Variants in NIPA1 observed in about 807,000 individuals in gnomAD.
NIPA1 encodes the protein magnesium transporter NIPA1.
In NIPA1, 13 loss-of-function variants were observed where a neutral mutation model predicts 23.9. That is an observed-to-expected ratio of 0.54 (90% CI 0.35 to 0.87). The LOEUF is 0.87. Ranked by LOEUF, NIPA1 falls within the 40% of genes least tolerant of loss-of-function variation. The pLI, the probability that NIPA1 is intolerant of heterozygous loss-of-function variation, is 0.01. For synonymous variants in NIPA1, 234 were observed against 202.9 expected (o/e 1.15, Z -1.30); for missense variants, 362 against 429.7 (o/e 0.84, Z 1.39).
chr15:22,822,931 TTTTTTG>T (rs1895569995), intron 4 of NIPA1, among the ~76,000 whole-genome samples: 1 of 139,408 alleles, frequency 7.2e-6, no homozygotes. Flanking sequence ...TTTTTTTTTT[TTTTTTG>T]AGACGGACTC....
At chr15:22,786,916 G>A in intron 1 of NIPA1, 82 bp downstream of exon 1, 1 of 742,002 alleles carries the variant, frequency 1.3e-6, no homozygotes, top group Non-Finnish European at 1.7e-6. Flanking sequence ...GGGGGCGCCC[G>A]GGTCGGGGCA....
intron 1 of NIPA1, among the ~76,000 whole-genome samples, chr15:22,805,090 T>C (rs1458090488): frequency 1.3e-5 from 2 of 152,122 alleles, no homozygotes; most frequent in East Asian, 3.9e-4. Flanking sequence ...TCCACCTGCC[T>C]CAGCCTCCCA....
intron 3 of NIPA1, chr15:22,814,108 C>T (rs1895369208): frequency 7.8e-7 from 1 of 1,277,794 alleles, no homozygotes; most frequent in Admixed American, 2.3e-5. Context: ...GGAACCATGT[C>T]AGATGGTGTT....
At chr15:22,796,786 A>G (rs542564805) in intron 1 of NIPA1, among the ~76,000 whole-genome samples, 8 of 152,304 alleles carry the variant, frequency 5.3e-5, no homozygotes, top group African/African-American at 1.4e-4. Context: ...CTGAGAGGCC[A>G]TGTCCCCGAC....
Position 22,825,306 on chromosome 15 carries a change from T to C in NIPA1, c.*1067T>C, listed in dbSNP as rs1339651378. 2.0e-5 allele frequency: 3 copies of C among 152,198 alleles called. No homozygotes were observed. Among genetic ancestry groups the C allele is most frequent in the Non-Finnish European group, 4.4e-5 (3 of 68,032 alleles). 9.4% of individuals were successfully genotyped at this position (152,198 alleles called of 1,614,324 possible). A position where few individuals can be genotyped will look rare whatever the true frequency, so the allele number is the denominator to read the frequency against. Reference sequence around the variant, plus strand: ...GTAAAACTATGGTATTACAATGTTATGGGACCACCGTCATGTAAGTGGTAT... The same window carrying C: ...GTAAAACTATGGTATTACAATGTTACGGGACCACCGTCATGTAAGTGGTAT... On this transcript the variant is annotated 3_prime_UTR_variant, in exon 5 of 5. Transcript: ENST00000337435.
intron 1 of NIPA1, among the ~76,000 whole-genome samples, chr15:22,808,676 A>ATTTTTTTTTTTTT (rs1566783277): frequency 1.1e-4 from 6 of 52,586 alleles, no homozygotes; most frequent in East Asian, 1.0e-3. Context: ...AAATAGCAAT[A>ATTTTTTTTTTTTT]TTCTTTTTTT....
chr15:22,814,243 G>T, intron 3 of NIPA1: 1 of 380,828 alleles, frequency 2.6e-6, no homozygotes, highest in Non-Finnish European at 4.4e-6. Context: ...ATATATGTAT[G>T]TATATATGAG....
intron 3 of NIPA1, among the ~76,000 whole-genome samples, chr15:22,813,170 T>A (rs1895352343): frequency 6.6e-6 from 1 of 152,114 alleles, no homozygotes; most frequent in African/African-American, 2.4e-5. Context: ...GCGGTTTGCA[T>A]GCTTAGGCCG....
intron 1 of NIPA1, among the ~76,000 whole-genome samples, chr15:22,810,046 C>CAAAAAA (rs11393089): frequency 6.7e-6 from 1 of 148,600 alleles, no homozygotes; most frequent in Non-Finnish European, 1.5e-5. Flanking sequence ...AACTCTGCCT[C>CAAAAAA]AAAAAAAAAA....
intron 1 of NIPA1, among the ~76,000 whole-genome samples, chr15:22,789,092 A>C (rs1229541007): frequency 6.6e-6 from 1 of 151,300 alleles, no homozygotes; most frequent in Non-Finnish European, 1.5e-5. Flanking sequence ...TCCCGGGTTC[A>C]AGCGATTCGC....
Position 22,825,890 on chromosome 15 carries a change from T to C in NIPA1, c.*1651T>C, listed in dbSNP as rs1895640467. 6.6e-6 allele frequency: 1 copy of C among 152,604 alleles called. No individual in the cohort carries two copies. Among genetic ancestry groups the C allele is most frequent in the South Asian group, 2.1e-4 (1 of 4,828 alleles). 9.5% of individuals were successfully genotyped at this position (152,604 alleles called of 1,614,324 possible). ...TCATTCTCTGTCTATAGTGTTCCCA[T>C]CCATGTGTTCCAAATGGGAGCATAG... is the stretch of plus-strand genomic sequence containing the variant. On this transcript the variant is annotated 3_prime_UTR_variant, in exon 5 of 5. Coordinates refer to ENST00000337435, the MANE Select transcript of NIPA1 (RefSeq NM_144599.5).
intron 2 of NIPA1, 172 bp downstream of exon 2, chr15:22,810,968 C>G (rs1895304357): frequency 1.5e-6 from 1 of 665,368 alleles, no homozygotes; most frequent in African/African-American, 1.8e-5. Context: ...CCTGCCTCCC[C>G]AGGGCACTCT....
chr15:22,792,204 G>A (rs546796248), intron 1 of NIPA1, among the ~76,000 whole-genome samples: 1 of 152,314 alleles, frequency 6.6e-6, no homozygotes, highest in South Asian at 2.1e-4. Flanking sequence ...TCACTCAGCA[G>A]GTGCAGCAGA....
intron 1 of NIPA1, among the ~76,000 whole-genome samples, chr15:22,804,333 G>C (rs919306172): frequency 1.3e-5 from 2 of 151,848 alleles, no homozygotes; most frequent in African/African-American, 4.8e-5. Context: ...ATCTTGGCCA[G>C]GCTGGTCTTG....
At chr15:22,820,135 TGTG>T (rs1895507399) in intron 3 of NIPA1, among the ~76,000 whole-genome samples, 175 bp from the exon 4 acceptor site, 1 of 152,064 alleles carries the variant, frequency 6.6e-6, no homozygotes, top group Non-Finnish European at 1.5e-5. Flanking sequence ...AGTTCAAGCT[TGTG>T]GTGAGCTGTG....
intron 1 of NIPA1, among the ~76,000 whole-genome samples, chr15:22,790,870 G>A (rs1207163100): frequency 2.0e-5 from 3 of 152,182 alleles, no homozygotes; most frequent in Admixed American, 2.0e-4. Flanking sequence ...GAGGAGAGGG[G>A]AGATACGCAA....
At chr15:22,791,848 A>G (rs573814685) in intron 1 of NIPA1, among the ~76,000 whole-genome samples, 2 of 152,256 alleles carry the variant, frequency 1.3e-5, no homozygotes, top group East Asian at 3.9e-4. Context: ...CGTCGTCTAC[A>G]GCATAGGCTC....
chr15:22,788,482 GA>G (rs1309003653), intron 1 of NIPA1, among the ~76,000 whole-genome samples: 4 of 98,924 alleles, frequency 4.0e-5, no homozygotes, highest in African/African-American at 1.2e-4. Context: ...CTGGGCGGCA[GA>G]GCAAGACTCC....
intron 4 of NIPA1, 59 bp from the exon 5 acceptor site, chr15:22,823,669 T>A: frequency 6.5e-7 from 1 of 1,536,588 alleles, no homozygotes; most frequent in Non-Finnish European, 8.8e-7. Context: ...CCAGTCCACC[T>A]CCTGGGTTGC....
Sources: allele counts gnomAD v4.1 joint callset (sites outside exome capture counted in the v4.1 genomes callset), GRCh38; gene constraint gnomAD v4.1.1; transcripts MANE v1.5; gene names NCBI Gene and HGNC (gene_info 2026-07-23, HGNC 2026-07-21).